ZNF354A: variants seen among roughly 807,000 people sequenced by gnomAD.
ZNF354A encodes the protein epididymis luminal protein 104.
A neutral mutation model predicts 53.3 loss-of-function variants in ZNF354A; 25 were observed. That is an observed-to-expected ratio of 0.47 (90% CI 0.34 to 0.66). The LOEUF is 0.66. ZNF354A is among the 30% of genes least tolerant of loss of function. The probability of loss-of-function intolerance (pLI) is 0.01; values close to 1 mark genes in which losing one functional copy is unlikely to be tolerated. For missense variants in ZNF354A, 586 were observed against 716.8 expected (o/e 0.82, Z 2.08); for synonymous variants, 228 against 249.0 (o/e 0.92, Z 0.79).
Position 178,713,313 on chromosome 5 carries a change from A to T in ZNF354A, c.565T>A (p.Cys189Ser). Residue 189 changes from cysteine to serine, a missense_variant, in exon 5 of 5, where the codon TGT becomes AGT. Coordinates refer to ENST00000335815, the MANE Select transcript of ZNF354A (RefSeq NM_005649.3). The stretch of plus-strand genomic sequence containing the variant: ...TTGAGGCTGTTTCCTTGTATTTCAC[A>T]TTTTGGTGGTGTTTTTTCTCTGGGA... ...ILPREKTPPK[C>S]EIQGNSLKQN... The T allele has an allele frequency of 6.2e-7, 1 of 1,614,108 alleles. No homozygotes were observed. The highest frequency in any genetic ancestry group is 8.5e-7 in the Non-Finnish European group (1 of 1,180,012).
At chr5:178,725,936 C>T in intron 3 of ZNF354A, 1 of 259,254 alleles carries the variant, frequency 3.9e-6, no homozygotes, top group Non-Finnish European at 7.8e-6. Context: ...CAACCTCCGT[C>T]TCCCGGGTTC....
At chr5:178,729,813 C>G (rs1413713231) in intron 1 of ZNF354A, among the ~76,000 whole-genome samples, 2 of 151,758 alleles carry the variant, frequency 1.3e-5, no homozygotes, top group Non-Finnish European at 2.9e-5. Flanking sequence ...TCCCAAAAAT[C>G]TAGGATTACA....
chr5:178,719,895 C>G (rs956891489), intron 4 of ZNF354A, among the ~76,000 whole-genome samples: 2 of 151,290 alleles, frequency 1.3e-5, no homozygotes, highest in African/African-American at 2.4e-5. Context: ...TGCAGTGAGC[C>G]GAGATCCCGC....
At chr5:178,725,883 C>G (rs760195518) in intron 3 of ZNF354A, among the ~76,000 whole-genome samples, 84 of 152,098 alleles carry the variant, frequency 5.5e-4, no homozygotes, top group Non-Finnish European at 3.2e-4. Context: ...GAGTCTCGCT[C>G]TATTGCCAGG....
chr5:178,713,181 C>G lies in ZNF354A; in HGVS notation c.697G>C (p.Glu233Gln), dbSNP rs759434891. 7.4e-6 allele frequency: 12 copies of G among 1,613,990 alleles called. No individual in the cohort carries two copies. The African/African-American group carries it at 1.6e-4, about 22-fold the overall frequency. ...AGTTTCTCTCCACTATGGTTTTTCT[C>G]ATGTTTACGAAGGGATGAAGTGTTA... ...FINTSSLRKHEKNHSGEKLFK... is the reference protein window; with the variant it reads ...FINTSSLRKHQKNHSGEKLFK... The change falls in exon 5 of 5, where the codon GAG (glutamate) becomes CAG (glutamine). Residue 233 changes from glutamate to glutamine, a missense_variant. Physicochemically the swap from Glu to Gln is conservative, Grantham distance 29. Transcript: ENST00000335815.
intron 4 of ZNF354A, among the ~76,000 whole-genome samples, chr5:178,716,829 A>T (rs1765723863): frequency 6.6e-6 from 1 of 152,150 alleles, no homozygotes; most frequent in South Asian, 2.1e-4. Flanking sequence ...CTGCAATCCT[A>T]GCACTTTGGG....
intron 3 of ZNF354A, among the ~76,000 whole-genome samples, 198 bp from the exon 4 acceptor site, chr5:178,725,669 G>A (rs1268566684): frequency 6.6e-6 from 1 of 152,142 alleles, no homozygotes; most frequent in Non-Finnish European, 1.5e-5. Context: ...ATGACTCTGG[G>A]ACAATTAATT....
rs560438566 is a variant in ZNF354A, at chr5:178,724,126, C to T, written c.256+1250G>A. Among the ~76,000 whole-genome samples the T allele has an allele frequency of 6.6e-5, 10 of 152,218 alleles. No homozygotes were observed. The East Asian group carries it at 1.2e-3, about 18-fold the overall frequency. ...TGCTCCTGTACCCTGATCACGTGGG[C>T]GCCGCCTCCTCCCTCACGAACTCAC... On this transcript the variant is annotated intron_variant, in intron 4 of 4. Coordinates refer to ENST00000335815, the MANE Select transcript of ZNF354A (RefSeq NM_005649.3).
chr5:178,718,361 G>C (rs1165647497), intron 4 of ZNF354A, among the ~76,000 whole-genome samples: 2 of 152,198 alleles, frequency 1.3e-5, no homozygotes, highest in South Asian at 4.1e-4. Flanking sequence ...GAATCATCTT[G>C]CTGATGGCCA....
chr5:178,720,409 T>A (rs1448783044), intron 4 of ZNF354A, among the ~76,000 whole-genome samples: 1 of 152,194 alleles, frequency 6.6e-6, no homozygotes, highest in African/African-American at 2.4e-5. Flanking sequence ...GCGTGACTGC[T>A]GTCCCCGTAA....
intron 4 of ZNF354A, among the ~76,000 whole-genome samples, chr5:178,725,028 G>A (rs1279496012): frequency 1.3e-5 from 2 of 152,206 alleles, no homozygotes; most frequent in African/African-American, 2.4e-5. Flanking sequence ...CACTTACCAC[G>A]CGGCCCTTCC....
At chr5:178,727,805 C>T (rs1019371740) in intron 2 of ZNF354A, among the ~76,000 whole-genome samples, 2 of 152,058 alleles carry the variant, frequency 1.3e-5, no homozygotes, top group African/African-American at 4.8e-5. Flanking sequence ...AGAAATTTGT[C>T]CAGGTCACAC....
chr5:178,725,049 A>C (rs1765878722), intron 4 of ZNF354A, among the ~76,000 whole-genome samples: 1 of 152,184 alleles, frequency 6.6e-6, no homozygotes. Context: ...CTAGCTTTCT[A>C]GGCTATTTCC....
chr5:178,715,658 T>C (rs1179894250), intron 4 of ZNF354A, among the ~76,000 whole-genome samples: 1 of 152,188 alleles, frequency 6.6e-6, no homozygotes, highest in Non-Finnish European at 1.5e-5. Context: ...ATATATGTGC[T>C]GGGAAGAAGG....
chr5:178,721,125 C>T (rs1189991254), intron 4 of ZNF354A, among the ~76,000 whole-genome samples: 1 of 152,100 alleles, frequency 6.6e-6, no homozygotes, highest in African/African-American at 2.4e-5. Flanking sequence ...TAGAGATAAC[C>T]ATTTTTATTG....
intron 2 of ZNF354A, among the ~76,000 whole-genome samples, chr5:178,727,630 T>G (rs896022680): frequency 4.6e-5 from 7 of 152,146 alleles, no homozygotes; most frequent in African/African-American, 1.7e-4. Flanking sequence ...AAAAGTAAAA[T>G]AGCTATAATT....
rs958613954 is a variant in ZNF354A, at chr5:178,721,294, T to C, written c.256+4082A>G. On this transcript the variant is annotated intron_variant, in intron 4 of 4. Transcript: ENST00000335815. Reference sequence around the variant, plus strand: ...GGTATAGGCTACTACACACCTAGGCTATACCCCTATACAGCATGTTACTTA... The same window carrying C: ...GGTATAGGCTACTACACACCTAGGCCATACCCCTATACAGCATGTTACTTA... Among the ~76,000 whole-genome samples the C allele has an allele frequency of 5.9e-5, 9 of 152,188 alleles. 1 individual carries two copies. Among genetic ancestry groups the C allele is most frequent in the Admixed American group, 5.2e-4 (8 of 15,270 alleles).
chr5:178,722,226 T>A (rs7733461), intron 4 of ZNF354A, among the ~76,000 whole-genome samples: 2 of 152,014 alleles, frequency 1.3e-5, no homozygotes, highest in Non-Finnish European at 2.9e-5. Flanking sequence ...GGCCAACTCA[T>A]CCTCTCCCAT....
At chr5:178,727,977 A>G (rs917385554) in intron 2 of ZNF354A, among the ~76,000 whole-genome samples, 1 of 151,914 alleles carries the variant, frequency 6.6e-6, no homozygotes, top group Non-Finnish European at 1.5e-5. Context: ...CGGCCTCCTG[A>G]GTAGGTGGGA....
Sources: gnomAD v4.1 joint callset for allele counts (sites outside exome capture counted in the v4.1 genomes callset) on GRCh38, gnomAD v4.1.1 for gene constraint, MANE v1.5 for transcripts, NCBI Gene and HGNC (gene_info 2026-07-23, HGNC 2026-07-21) for gene names.